SSU72: variants seen among roughly 807,000 people sequenced by gnomAD.
The protein encoded by SSU72 is SSU72 homolog, RNA polymerase II CTD phosphatase.
SSU72 carries 12 observed loss-of-function variants against 22.7 expected under a neutral mutation model. The observed-to-expected ratio is 0.53, with a 90% CI of 0.34 to 0.86. The LOEUF is 0.86. Among genes scored for constraint, SSU72 ranks in the 40% least tolerant of loss-of-function variants. The pLI, the probability that SSU72 is intolerant of heterozygous loss-of-function variation, is 0.02. For synonymous variants in SSU72, 116 were observed against 98.3 expected (o/e 1.18, Z -1.06); for missense variants, 151 against 249.8 (o/e 0.60, Z 2.67).
At chr1:1,570,460 G>A (rs1213512400) in intron 1 of SSU72, among the ~76,000 whole-genome samples, 4 of 151,458 alleles carry the variant, frequency 2.6e-5, no homozygotes, top group Admixed American at 2.6e-4. Context: ...CGAGACCCCA[G>A]TCATGACATG....
chr1:1,571,028 C>T lies in SSU72; in HGVS notation c.80+3450G>A, dbSNP rs576832895. Among the ~76,000 whole-genome samples, 33 of 152,180 alleles carry T rather than the reference C, an allele frequency of 2.2e-4. No homozygotes were observed. The East Asian group carries it at 4.6e-3, about 21-fold the overall frequency. On this transcript the variant is annotated intron_variant, in intron 1 of 4. Coordinates refer to ENST00000291386, the MANE Select transcript of SSU72 (RefSeq NM_014188.3). The stretch of plus-strand genomic sequence containing the variant: ...TTGGGAGGCCGAGGCGGGCGGATCA[C>T]GAGGTCAGGAGATCGAGGCCATCTG...
At chr1:1,547,521 A>C (rs188412897) in intron 2 of SSU72, among the ~76,000 whole-genome samples, 1 of 152,230 alleles carries the variant, frequency 6.6e-6, no homozygotes, top group Non-Finnish European at 1.5e-5. Context: ...CTAGACCTGC[A>C]AGCCCCACCA....
chr1:1,545,251 C>T (rs1398306439), intron 2 of SSU72: 1 of 489,522 alleles, frequency 2.0e-6, no homozygotes, highest in African/African-American at 2.0e-5. Flanking sequence ...CAAAAAGACC[C>T]AAGGCCCGCA....
Position 1,574,691 on chromosome 1 carries a change from C to T in SSU72, c.-134G>A. On this transcript the variant is annotated 5_prime_UTR_variant, in exon 1 of 5. Coordinates refer to ENST00000291386, the MANE Select transcript of SSU72 (RefSeq NM_014188.3). The stretch of plus-strand genomic sequence containing the variant: ...ACGACGGCGCCGGCGGTGTAGCGTG[C>T]GGCGACTGCGCGGCGGCCTCCCCGC... The T allele has an allele frequency of 3.5e-6, 3 of 852,334 alleles. No individual in the cohort carries two copies. Among genetic ancestry groups the T allele is most frequent in the Non-Finnish European group, 4.9e-6 (3 of 606,900 alleles). The allele number at this position is 852,334 out of a possible 1,614,324, so 52.8% of individuals were successfully genotyped here.
chr1:1,555,265 A>T (rs1256804691), intron 2 of SSU72, among the ~76,000 whole-genome samples: 2 of 152,180 alleles, frequency 1.3e-5, no homozygotes, highest in East Asian at 3.9e-4. Flanking sequence ...CCGACACAGG[A>T]GGCTCCGGTA....
At chr1:1,572,723 C>T (rs1315187490) in intron 1 of SSU72, among the ~76,000 whole-genome samples, 1 of 151,400 alleles carries the variant, frequency 6.6e-6, no homozygotes, top group African/African-American at 2.4e-5. Context: ...TCCCAAGGTG[C>T]TAGGATTACA....
At chr1:1,564,570 C>A in intron 2 of SSU72, 1 of 1,591,490 alleles carries the variant, frequency 6.3e-7, no homozygotes. Context: ...GTGCGCCTCA[C>A]CACGCCTACT....
intron 2 of SSU72, among the ~76,000 whole-genome samples, chr1:1,547,839 A>G (rs1222964720): frequency 6.6e-6 from 1 of 152,192 alleles, no homozygotes; most frequent in South Asian, 2.1e-4. Context: ...GAGGAAGGGG[A>G]GAGAGGCGCC....
chr1:1,553,852 G>C (rs1642484386), intron 2 of SSU72, among the ~76,000 whole-genome samples: 1 of 151,718 alleles, frequency 6.6e-6, no homozygotes, highest in South Asian at 2.1e-4. Flanking sequence ...CGCATCTGAA[G>C]GATGTCACCA....
intron 2 of SSU72, among the ~76,000 whole-genome samples, chr1:1,547,547 TGAG>T (rs1557495969): frequency 6.6e-6 from 1 of 152,176 alleles, no homozygotes; most frequent in Non-Finnish European, 1.5e-5. Context: ...TGTGAGGACC[TGAG>T]GAGGACCAAA....
chr1:1,574,813 C>T lies in SSU72; in HGVS notation c.-256G>A. 4.4e-6 allele frequency: 1 copy of T among 227,828 alleles called. No individual in the cohort carries two copies. The allele number at this position is 227,828 out of a possible 1,614,324, so 14.1% of individuals were successfully genotyped here. On this transcript the variant is annotated 5_prime_UTR_variant, in exon 1 of 5. Coordinates refer to ENST00000291386, the MANE Select transcript of SSU72 (RefSeq NM_014188.3). ...GGGGCGGCCAACGCCGCGCCGGCCCCCGGCGTCCGCAGCAGAGACCCGCAC... is the reference window on the plus strand; with the variant it reads ...GGGGCGGCCAACGCCGCGCCGGCCCTCGGCGTCCGCAGCAGAGACCCGCAC...
intron 1 of SSU72, among the ~76,000 whole-genome samples, chr1:1,568,391 A>C (rs1557506067): frequency 6.6e-6 from 1 of 152,138 alleles, no homozygotes; most frequent in Non-Finnish European, 1.5e-5. Flanking sequence ...CAGGAGTTTG[A>C]GACCAGCCTG....
Position 1,550,581 on chromosome 1 carries a change from C to T in SSU72, c.225-5579G>A, listed in dbSNP as rs3753337. On this transcript the variant is annotated intron_variant, in intron 2 of 4. Coordinates refer to ENST00000291386, the MANE Select transcript of SSU72 (RefSeq NM_014188.3). ...CCAGACCCCACGGGGCCTTGAGCCC[C>T]GGGCCCCAGGCTGCTGGCCCCCCTC... Among the ~76,000 whole-genome samples the T allele has an allele frequency of 4.3e-4, 66 of 152,352 alleles. No homozygotes were observed. The East Asian group carries it at 0.011, about 26-fold the overall frequency.
intron 1 of SSU72, among the ~76,000 whole-genome samples, chr1:1,566,581 G>T (rs758282848): frequency 6.6e-6 from 1 of 152,172 alleles, no homozygotes; most frequent in South Asian, 2.1e-4. Context: ...GGCCGGGTGC[G>T]GTGGCTCACG....
chr1:1,558,529 G>C (rs1045984873), intron 2 of SSU72, among the ~76,000 whole-genome samples: 2 of 152,206 alleles, frequency 1.3e-5, no homozygotes, highest in Non-Finnish European at 2.9e-5. Flanking sequence ...AGATGCACTT[G>C]CGTTTCACAG....
chr1:1,574,579 G>C lies in SSU72; in HGVS notation c.-22C>G, dbSNP rs757964527. ...GCATGGCGGCGGCCGCAAATCCCGCGGCTCTCCCGCTTGGGTTCCCACCCT... is the reference window on the plus strand; with the variant it reads ...GCATGGCGGCGGCCGCAAATCCCGCCGCTCTCCCGCTTGGGTTCCCACCCT... On this transcript the variant is annotated 5_prime_UTR_variant, in exon 1 of 5. Coordinates refer to ENST00000291386, the MANE Select transcript of SSU72 (RefSeq NM_014188.3). 3 of 1,578,764 alleles carry C rather than the reference G, an allele frequency of 1.9e-6. No homozygotes were observed. Among genetic ancestry groups the C allele is most frequent in the South Asian group, 1.1e-5 (1 of 86,998 alleles).
intron 2 of SSU72, among the ~76,000 whole-genome samples, chr1:1,550,205 T>C (rs1397882546): frequency 2.0e-5 from 3 of 148,018 alleles, no homozygotes; most frequent in African/African-American, 7.5e-5. Context: ...TATATATATA[T>C]ATGTATATAA....
intron 1 of SSU72, among the ~76,000 whole-genome samples, chr1:1,570,294 CAAAAA>C (rs34871297): frequency 1.7e-4 from 24 of 143,486 alleles, no homozygotes; most frequent in Non-Finnish European, 3.2e-4. Context: ...AAAAAAAAAA[CAAAAA>C]AAAAAGGGAA....
At chr1:1,565,398 C>T (rs1642647589) in intron 1 of SSU72, among the ~76,000 whole-genome samples, 2 of 152,186 alleles carry the variant, frequency 1.3e-5, no homozygotes, top group Non-Finnish European at 2.9e-5. Context: ...CAGAACTGAC[C>T]ATCACAAAGC....
Sources: allele counts gnomAD v4.1 joint callset (sites outside exome capture counted in the v4.1 genomes callset), GRCh38; gene constraint gnomAD v4.1.1; transcripts MANE v1.5; gene names NCBI Gene and HGNC (gene_info 2026-07-23, HGNC 2026-07-21).